BMP2K: variants seen among roughly 807,000 people sequenced by gnomAD.
BMP2K encodes BMP-2-inducible protein kinase.
Under a neutral mutation model 116.0 loss-of-function variants are expected in BMP2K, and 74 were observed. That is an observed-to-expected ratio of 0.64 (90% CI 0.53 to 0.77). The LOEUF (loss-of-function observed/expected upper bound fraction) is 0.77, where lower values mean the gene tolerates loss of function less well. Ranked by LOEUF, BMP2K falls within the 30% of genes least tolerant of loss-of-function variation. The probability of loss-of-function intolerance (pLI) is 0.00; values close to 1 mark genes in which losing one functional copy is unlikely to be tolerated. For synonymous variants in BMP2K, 486 were observed against 502.5 expected (o/e 0.97, Z 0.44); for missense variants, 1,365 against 1,403.6 (o/e 0.97, Z 0.44).
chr4:78,857,545 C>G (rs1191910892), intron 7 of BMP2K, among the ~76,000 whole-genome samples: 1 of 152,154 alleles, frequency 6.6e-6, no homozygotes, highest in Admixed American at 6.6e-5. Context: ...CCTGAACTAT[C>G]ATTTAATTCC....
chr4:78,859,166 GATTAAGGATCACTTAAAA>G (rs1421225348), intron 7 of BMP2K: 1 of 152,886 alleles, frequency 6.5e-6, no homozygotes, highest in African/African-American at 2.4e-5. Context: ...TTTTCTTAAT[GATTAAGGATCACTTAAAA>G]ATTAATACAG....
chr4:78,893,556 G>T (rs1733551818), intron 15 of BMP2K, among the ~76,000 whole-genome samples: 1 of 152,162 alleles, frequency 6.6e-6, no homozygotes. Flanking sequence ...CTTATGAAAT[G>T]TATTTCTTAA....
intron 1 of BMP2K, among the ~76,000 whole-genome samples, chr4:78,787,106 C>T (rs527690768): frequency 7.2e-5 from 11 of 152,134 alleles, no homozygotes; most frequent in Admixed American, 6.5e-4. Flanking sequence ...GTATTGAGTA[C>T]CTCTGTAAGA....
intron 13 of BMP2K, among the ~76,000 whole-genome samples, chr4:78,873,721 T>C (rs1211506498): frequency 6.6e-6 from 1 of 151,694 alleles, no homozygotes; most frequent in Non-Finnish European, 1.5e-5. Flanking sequence ...TGCATGCATG[T>C]GTGTGCACAT....
At chr4:78,880,384 T>C (rs1732838941) in intron 14 of BMP2K, among the ~76,000 whole-genome samples, 2 of 152,198 alleles carry the variant, frequency 1.3e-5, no homozygotes, top group Non-Finnish European at 2.9e-5. Context: ...TTCAGAGTTA[T>C]GGAAGGGGTA....
At chr4:78,845,445 G>T (rs768026303) in intron 5 of BMP2K, among the ~76,000 whole-genome samples, 1 of 151,572 alleles carries the variant, frequency 6.6e-6, no homozygotes, top group African/African-American at 2.4e-5. Context: ...AATATTAAAA[G>T]GATTGACTTT....
intron 15 of BMP2K, 85 bp downstream of exon 15, chr4:78,887,369 C>A: frequency 1.0e-6 from 1 of 952,538 alleles, no homozygotes; most frequent in South Asian, 1.5e-5. Context: ...AAGTAAGACT[C>A]TGATGTTAGT....
At chr4:78,800,407 A>G (rs572508971) in intron 1 of BMP2K, among the ~76,000 whole-genome samples, 82 of 152,290 alleles carry the variant, frequency 5.4e-4, no homozygotes, top group African/African-American at 1.8e-3. Context: ...CCCATATGGC[A>G]CACTCTCTAT....
Position 78,776,460 on chromosome 4 carries a change from AC to A in BMP2K, c.-80del. Reference sequence around the variant, plus strand: ...ACGCTCGGACGGGCCAGGGGCGGCGACCCCTCGCGGACGCCCGGCTGCGCGC... The same window carrying A: ...ACGCTCGGACGGGCCAGGGGCGGCGACCCTCGCGGACGCCCGGCTGCGCGC... On this transcript the variant is annotated 5_prime_UTR_variant, in exon 1 of 16. Transcript: ENST00000502613. 1.8e-6 allele frequency: 2 copies of A among 1,086,426 alleles called. No individual in the cohort carries two copies. Among genetic ancestry groups the A allele is most frequent in the Non-Finnish European group, 2.2e-6 (2 of 893,716 alleles). The allele number at this position is 1,086,426 out of a possible 1,614,324, so 67.3% of individuals were successfully genotyped here.
intron 2 of BMP2K, among the ~76,000 whole-genome samples, chr4:78,829,807 C>CTT (rs1560518803): frequency 3.7e-5 from 5 of 133,818 alleles, no homozygotes; most frequent in Admixed American, 2.2e-4. Context: ...CTTCTCTTCT[C>CTT]TTCTCTTCTC....
chr4:78,843,964 A>G (rs1004419599), intron 4 of BMP2K, among the ~76,000 whole-genome samples: 1 of 151,832 alleles, frequency 6.6e-6, no homozygotes, highest in Non-Finnish European at 1.5e-5. Flanking sequence ...CTGAATCTTT[A>G]TTTTGTACAA....
intron 3 of BMP2K, among the ~76,000 whole-genome samples, chr4:78,839,000 A>T (rs796424573): frequency 1.4e-4 from 22 of 152,290 alleles, no homozygotes; most frequent in African/African-American, 4.8e-4. Context: ...AAATTTATTA[A>T]TTTTTAATGT....
At chr4:78,811,266 A>G (rs1484523100) in intron 1 of BMP2K, among the ~76,000 whole-genome samples, 1 of 152,260 alleles carries the variant, frequency 6.6e-6, no homozygotes, top group Non-Finnish European at 1.5e-5. Flanking sequence ...AGTTGTTAAC[A>G]TGAATTACAA....
chr4:78,803,482 G>A (rs186721728), intron 1 of BMP2K, among the ~76,000 whole-genome samples: 2 of 152,186 alleles, frequency 1.3e-5, no homozygotes, highest in African/African-American at 2.4e-5. Flanking sequence ...TGCAACCTCT[G>A]ATTCCCATGC....
intron 6 of BMP2K, among the ~76,000 whole-genome samples, chr4:78,848,487 C>T (rs1295209571): frequency 6.6e-6 from 1 of 151,402 alleles, no homozygotes; most frequent in Non-Finnish European, 1.5e-5. Context: ...AATTTTGTGA[C>T]TGCTGTTGAA....
chr4:78,811,615 A>G (rs1395082995), intron 1 of BMP2K, among the ~76,000 whole-genome samples: 1 of 152,214 alleles, frequency 6.6e-6, no homozygotes, highest in Non-Finnish European at 1.5e-5. Flanking sequence ...ATTGATGTAT[A>G]TGTGTGTATA....
Position 78,815,705 on chromosome 4 carries a change from A to G in BMP2K, c.179-10332A>G, listed in dbSNP as rs76918956. ...AATAACATTTTACCACATTTCCTTT[A>G]TACATTTTTACAACATGTGGGTAAT... On this transcript the variant is annotated intron_variant, in intron 1 of 15. Transcript: ENST00000502613. Among the ~76,000 whole-genome samples the G allele has an allele frequency of 1.4e-3, 209 of 152,270 alleles. 1 individual carries two copies. Among genetic ancestry groups the G allele is most frequent in the African/African-American group, 4.9e-3 (202 of 41,566 alleles).
At chr4:78,784,216 G>A (rs892204169) in intron 1 of BMP2K, among the ~76,000 whole-genome samples, 4 of 152,264 alleles carry the variant, frequency 2.6e-5, no homozygotes, top group Admixed American at 6.5e-5. Context: ...ATCCAATAGA[G>A]CTCATTTGGT....
At chr4:78,837,361 ATT>A (rs1427222043) in intron 3 of BMP2K, among the ~76,000 whole-genome samples, 1 of 151,820 alleles carries the variant, frequency 6.6e-6, no homozygotes, top group Admixed American at 6.6e-5. Flanking sequence ...CATCTGACTA[ATT>A]TTTGTAATTT....
Sources: gnomAD v4.1 joint callset for allele counts (sites outside exome capture counted in the v4.1 genomes callset) on GRCh38, gnomAD v4.1.1 for gene constraint, MANE v1.5 for transcripts, NCBI Gene and HGNC (gene_info 2026-07-23, HGNC 2026-07-21) for gene names.